Variants in VNN2 observed in about 807,000 individuals in gnomAD.
VNN2 encodes pantetheine hydrolase VNN2.
In VNN2, 43 loss-of-function variants were observed where a neutral mutation model predicts 43.0. That is an observed-to-expected ratio of 1.00 (90% confidence interval 0.78 to 1.29). The LOEUF (loss-of-function observed/expected upper bound fraction) is 1.29. Among genes scored for constraint, VNN2 ranks in the 50% most tolerant of loss-of-function variants. The pLI, the probability that VNN2 is intolerant of heterozygous loss-of-function variation, is 0.00. For missense variants in VNN2, 652 were observed against 619.7 expected (o/e 1.05, Z -0.55); for synonymous variants, 230 against 224.3 (o/e 1.03, Z -0.23).
At chr6:132,759,738 A>G (rs1256082142), upstream of VNN2, among the ~76,000 whole-genome samples, 1 of 152,230 alleles carries the variant, frequency 6.6e-6, no homozygotes, top group Non-Finnish European at 1.5e-5. Flanking sequence ...TGCTTTGAAT[A>G]GAAGTTTCTA....
upstream of VNN2, chr6:132,760,881 G>A (rs1189459377): frequency 1.3e-5 from 2 of 152,116 alleles, no homozygotes; most frequent in Non-Finnish European, 2.9e-5. Context: ...AATCACTTCT[G>A]ATATAAAATC....
At chr6:132,761,703 A>G (rs575398044), upstream of VNN2, among the ~76,000 whole-genome samples, 46 of 152,266 alleles carry the variant, frequency 3.0e-4, 1 homozygote, top group African/African-American at 1.1e-3. Flanking sequence ...GTAATAGCTC[A>G]AATATTTGTT....
intron 6 of VNN2, among the ~76,000 whole-genome samples, chr6:132,746,439 A>G (rs1779722444): frequency 6.6e-6 from 1 of 152,210 alleles, no homozygotes; most frequent in Admixed American, 6.5e-5. Context: ...GTCATCTTCA[A>G]TATTATGACT....
upstream of VNN2, among the ~76,000 whole-genome samples, chr6:132,758,899 G>A (rs895174116): frequency 1.5e-4 from 23 of 152,038 alleles, no homozygotes; most frequent in Non-Finnish European, 2.9e-4. Context: ...CCAGGCCTCA[G>A]GATACTCCGC....
chr6:132,753,461 A>C, intron 3 of VNN2: 1 of 454,910 alleles, frequency 2.2e-6, no homozygotes, highest in South Asian at 1.6e-5. Flanking sequence ...TTAGTGTCCC[A>C]TCCAAAGTAA....
intron 5 of VNN2, among the ~76,000 whole-genome samples, chr6:132,750,514 T>TATATATATATATATATA (rs369805846): frequency 1.5e-4 from 17 of 114,260 alleles, no homozygotes; most frequent in Admixed American, 2.1e-4. Flanking sequence ...TATATATATA[T>TATATATATATATATATA]TTTTCCAGGT....
chr6:132,761,631 G>A (rs915104220), upstream of VNN2, among the ~76,000 whole-genome samples: 1 of 152,140 alleles, frequency 6.6e-6, no homozygotes, highest in Non-Finnish European at 1.5e-5. Context: ...TTGCACTCCA[G>A]CCTGCGTGAC....
chr6:132,757,996 C>CTTT (rs1562253915), upstream of VNN2: 1 of 283,072 alleles, frequency 3.5e-6, no homozygotes, highest in Admixed American at 6.9e-5. Context: ...ACTTTATCAT[C>CTTT]ATTTTTCTTC....
At chr6:132,758,607 C>A (rs994106222), upstream of VNN2, among the ~76,000 whole-genome samples, 1 of 152,060 alleles carries the variant, frequency 6.6e-6, no homozygotes, top group Non-Finnish European at 1.5e-5. Context: ...AAATTGACAA[C>A]AATTTTTTTG....
intron 3 of VNN2, 105 bp from the exon 4 acceptor site, chr6:132,752,854 GGGAATCTCCTAGGAAGC>G (rs1344531383): frequency 1.7e-5 from 22 of 1,265,242 alleles, no homozygotes; most frequent in Non-Finnish European, 2.2e-5. Flanking sequence ...GTCAACTGCA[GGGAATCTCCTAGGAAGC>G]GGATAAATCT....
intron 2 of VNN2, 84 bp from the exon 3 acceptor site, chr6:132,756,119 C>T: frequency 7.8e-7 from 1 of 1,287,356 alleles, no homozygotes; most frequent in Non-Finnish European, 1.0e-6. Context: ...ACTGTAACCA[C>T]TTAAGTGGAA....
chr6:132,761,431 G>T (rs954385495), upstream of VNN2, among the ~76,000 whole-genome samples: 2 of 151,688 alleles, frequency 1.3e-5, no homozygotes, highest in Non-Finnish European at 2.9e-5. Context: ...AGGCCGAGGC[G>T]GGCGAATTAT....
At position 132,751,557 on chromosome 6, in the gene VNN2, A is replaced by G. The variant is rs756554422; in HGVS notation, c.827-39T>C. On this transcript the variant is annotated intron_variant, in intron 4 of 6. Coordinates refer to ENST00000326499, the MANE Select transcript of VNN2 (RefSeq NM_004665.6). ...ACAAGTCTTCTAAAAACAACACCAC[A>G]CACAAAAAAACCAAAACTGCCAATT... 357 of 1,556,236 alleles carry G rather than the reference A, an allele frequency of 2.3e-4. 3 individuals carry two copies. The highest frequency in any genetic ancestry group is 1.0e-3 in the Middle Eastern group (6 of 5,774).
rs1336334557 is a variant in VNN2, at chr6:132,744,466, T to C, written c.1397A>G (p.Asn466Ser). ...TATAGGCCCAGATGATCCATTCTTG[T>C]TTACCAAACGCCCATCTTTCAGCAC... ...FEVLKDGRLV[N>S]KNGSSGPILT... Residue 466 changes from asparagine (N) to serine (S), a missense_variant, in exon 7 of 7, where the codon AAC (asparagine) becomes AGC (serine). Physicochemically the swap from Asn to Ser is conservative, Grantham distance 46. Transcript: ENST00000326499. 1 of 1,588,900 alleles carries C rather than the reference T, an allele frequency of 6.3e-7. No homozygotes were observed. Among genetic ancestry groups the C allele is most frequent in the East Asian group, 2.3e-5 (1 of 43,788 alleles).
upstream of VNN2, among the ~76,000 whole-genome samples, chr6:132,762,772 TG>T (rs1562257210): frequency 2.6e-5 from 4 of 152,218 alleles, no homozygotes; most frequent in African/African-American, 9.6e-5. Flanking sequence ...CACTGCTAGA[TG>T]GAAATGCTTG....
upstream of VNN2, among the ~76,000 whole-genome samples, chr6:132,759,001 C>T (rs1780660727): frequency 6.6e-6 from 1 of 151,938 alleles, no homozygotes; most frequent in Admixed American, 6.6e-5. Context: ...TCTTTTTCCT[C>T]CCTCCCCACC....
At chr6:132,752,286 G>C (rs35229014) in intron 4 of VNN2, among the ~76,000 whole-genome samples, 175 bp downstream of exon 4, 4 of 151,896 alleles carry the variant, frequency 2.6e-5, no homozygotes, top group Non-Finnish European at 5.9e-5. Flanking sequence ...ACACATAAAG[G>C]TCTTAGTATA....
upstream of VNN2, among the ~76,000 whole-genome samples, chr6:132,759,591 C>T (rs1582842928): frequency 6.6e-6 from 1 of 152,034 alleles, no homozygotes; most frequent in Admixed American, 6.5e-5. Flanking sequence ...TGGTAAAAGT[C>T]ACGGAAATGC....
chr6:132,758,056 T>A (rs866460314), upstream of VNN2: 261 of 544,966 alleles, frequency 4.8e-4, 12 homozygotes, highest in South Asian at 8.2e-3. Context: ...TTTTTTTTTT[T>A]TTTTTTTGAG....
Sources: allele counts gnomAD v4.1 joint callset (sites outside exome capture counted in the v4.1 genomes callset), GRCh38; gene constraint gnomAD v4.1.1; transcripts MANE v1.5; gene names NCBI Gene and HGNC (gene_info 2026-07-23, HGNC 2026-07-21).